EML6: variants seen among roughly 807,000 people sequenced by gnomAD.
The protein encoded by EML6 is EMAP like 6.
A neutral mutation model predicts 240.1 loss-of-function variants in EML6; 154 were observed. The ratio of observed to expected loss-of-function variants is 0.64; its 90% confidence interval spans 0.56 to 0.73. The LOEUF (loss-of-function observed/expected upper bound fraction) is 0.73. EML6 is among the 30% of genes least tolerant of loss of function. The probability of loss-of-function intolerance (pLI) is 0.00; values close to 1 mark genes in which losing one functional copy is unlikely to be tolerated. For synonymous variants in EML6, 1,148 were observed against 899.0 expected, an observed-to-expected ratio of 1.28 and a Z score of -4.95; for missense variants, 2,964 against 2,474.6, an observed-to-expected ratio of 1.20 and a Z score of -4.20.
intron 28 of EML6, among the ~76,000 whole-genome samples, chr2:54,935,649 G>T (rs1316749039): frequency 6.6e-6 from 1 of 152,228 alleles, no homozygotes; most frequent in East Asian, 1.9e-4. Flanking sequence ...TCATGCTGAG[G>T]TTTGTTACTT....
chr2:54,806,612 CAAAAAAAAAAAAAAA>C (rs58185994), intron 2 of EML6, among the ~76,000 whole-genome samples: 12 of 52,820 alleles, frequency 2.3e-4, no homozygotes, highest in South Asian at 8.4e-4. Context: ...ACTCCGTCTC[CAAAAAAAAAAAAAAA>C]AAAAAAAAAA....
chr2:54,943,180 C>G (rs1675516400), intron 28 of EML6, among the ~76,000 whole-genome samples: 1 of 152,234 alleles, frequency 6.6e-6, no homozygotes, highest in Non-Finnish European at 1.5e-5. Context: ...CGCATTCCAT[C>G]TTGGTGCTTC....
chr2:54,825,330 G>T (rs1668534614), intron 5 of EML6, among the ~76,000 whole-genome samples: 1 of 152,136 alleles, frequency 6.6e-6, no homozygotes, highest in South Asian at 2.1e-4. Context: ...CATAGTAACA[G>T]CTTAAATGTT....
chr2:54,753,907 C>T (rs1057220218), intron 2 of EML6, among the ~76,000 whole-genome samples: 5 of 151,806 alleles, frequency 3.3e-5, no homozygotes, highest in East Asian at 1.9e-4. Context: ...GAGACCAAGG[C>T]GGGTGGATCA....
At chr2:54,799,910 G>A (rs553008876) in intron 2 of EML6, among the ~76,000 whole-genome samples, 2 of 152,326 alleles carry the variant, frequency 1.3e-5, no homozygotes, top group South Asian at 4.1e-4. Flanking sequence ...GAAAGTGAAT[G>A]TGAAAATGTC....
chr2:54,968,372 C>T (rs763954761), intron 40 of EML6, 91 bp downstream of exon 40: 35 of 1,216,022 alleles, frequency 2.9e-5, no homozygotes, highest in Non-Finnish European at 4.0e-5. Flanking sequence ...CTCTGGGAGA[C>T]ACAGAGAAAC....
chr2:54,752,175 A>G (rs1043718589), intron 2 of EML6, among the ~76,000 whole-genome samples: 29 of 152,164 alleles, frequency 1.9e-4, no homozygotes, highest in Non-Finnish European at 8.8e-5. Flanking sequence ...CTGTTTTTTA[A>G]AAGTTACTTT....
intron 2 of EML6, among the ~76,000 whole-genome samples, chr2:54,745,997 G>A (rs761411211): frequency 1.3e-5 from 2 of 152,214 alleles, no homozygotes; most frequent in Non-Finnish European, 2.9e-5. Context: ...GCTGGAGCTG[G>A]TGGTGGAGGA....
At chr2:54,782,712 A>T (rs1668905957) in intron 2 of EML6, among the ~76,000 whole-genome samples, 4 of 144,914 alleles carry the variant, frequency 2.8e-5, no homozygotes, top group South Asian at 4.3e-4. Flanking sequence ...CTTCTTCTCT[A>T]AGATGCTTTA....
chr2:54,807,712 G>T (rs888142939), intron 2 of EML6, among the ~76,000 whole-genome samples: 1 of 152,118 alleles, frequency 6.6e-6, no homozygotes, highest in Non-Finnish European at 1.5e-5. Flanking sequence ...ACCAAGTGAC[G>T]AGCTTTCAGT....
intron 2 of EML6, among the ~76,000 whole-genome samples, chr2:54,761,081 A>T (rs1421263173): frequency 6.6e-6 from 1 of 152,094 alleles, no homozygotes; most frequent in Non-Finnish European, 1.5e-5. Flanking sequence ...TATGGTTTTA[A>T]TTCCACTTTA....
chr2:54,916,904 G>T lies in EML6; in HGVS notation c.3644G>T (p.Gly1215Val). 6.5e-7 allele frequency: 1 copy of T among 1,547,840 alleles called. No individual in the cohort carries two copies. Among genetic ancestry groups the T allele is most frequent in the Non-Finnish European group, 8.7e-7 (1 of 1,143,856 alleles). The change falls in exon 26 of 42, where the codon GGT becomes GTT. Residue 1215 changes from glycine to valine, a missense_variant. Gly to Val is a moderately radical substitution (Grantham distance 109). Transcript: ENST00000356458. ...CTTTTAGCCACCGGAGATGATTTTGGTTTCGTTAAGCTTTTTTCATATCCT... is the reference window on the plus strand; with the variant it reads ...CTTTTAGCCACCGGAGATGATTTTGTTTTCGTTAAGCTTTTTTCATATCCT... ...CSLLATGDDF[G>V]FVKLFSYPVK...
rs993226380 is a variant in EML6, at chr2:54,968,134, G to A, written c.5604G>A (p.Leu1868=). 1.9e-6 allele frequency: 3 copies of A among 1,550,934 alleles called. No individual in the cohort carries two copies. The highest frequency in any genetic ancestry group is 1.2e-5 in the South Asian group (1 of 84,034). Residue 1868 remains leucine (L), a synonymous_variant, in exon 40 of 42, where the codon CTG becomes CTA. Transcript: ENST00000356458. ...KITWASWTSV[L]GDEVIGIWPR... is the part of the protein sequence containing the mutation. ...CCTCTTTCTGTTGGAACAGCGTCCT[G>A]GGAGATGAAGTCATTGGAATCTGGC...
At chr2:54,928,884 C>A (rs1674706223) in intron 28 of EML6, 133 bp downstream of exon 28, 1 of 1,070,322 alleles carries the variant, frequency 9.3e-7, no homozygotes, top group Non-Finnish European at 1.4e-6. Context: ...AGAGTCTTCA[C>A]CTGTACACAG....
chr2:54,798,194 A>G (rs1273930863), intron 2 of EML6, among the ~76,000 whole-genome samples: 2 of 152,136 alleles, frequency 1.3e-5, no homozygotes, highest in Non-Finnish European at 2.9e-5. Context: ...ATTTTGTCAG[A>G]TGGAGTCTCG....
intron 9 of EML6, 113 bp from the exon 10 acceptor site, chr2:54,849,849 C>T (rs1038203121): frequency 2.0e-5 from 16 of 795,218 alleles, no homozygotes; most frequent in Non-Finnish European, 2.7e-5. Flanking sequence ...TCCTTTAATT[C>T]CTGCAGGTTT....
chr2:54,797,272 G>A (rs981074488), intron 2 of EML6, among the ~76,000 whole-genome samples: 1 of 151,690 alleles, frequency 6.6e-6, no homozygotes, highest in Non-Finnish European at 1.5e-5. Context: ...GGATGCTGCT[G>A]GTCTGAAGAC....
chr2:54,841,793 A>G (rs188892236), intron 7 of EML6, among the ~76,000 whole-genome samples: 232 of 151,298 alleles, frequency 1.5e-3, no homozygotes, highest in African/African-American at 4.8e-3. Context: ...GGATTTCACC[A>G]TGTTGGCCAA....
intron 39 of EML6, 115 bp downstream of exon 39, chr2:54,967,218 CTT>C (rs1170383296): frequency 8.6e-6 from 6 of 697,984 alleles, no homozygotes; most frequent in Non-Finnish European, 1.4e-5. Flanking sequence ...ATGGAGCTGT[CTT>C]TTCTTTTGGG....
Sources: allele counts gnomAD v4.1 joint callset (sites outside exome capture counted in the v4.1 genomes callset), GRCh38; gene constraint gnomAD v4.1.1; transcripts MANE v1.5; gene names NCBI Gene and HGNC (gene_info 2026-07-23, HGNC 2026-07-21).